Variants in ACAD10 observed in about 807,000 individuals in gnomAD.
The protein encoded by ACAD10 is ACAD-10.
A neutral mutation model predicts 116.8 loss-of-function variants in ACAD10; 112 were observed. That is an observed-to-expected ratio of 0.96 (90% CI 0.82 to 1.12). The LOEUF is 1.12. ACAD10 is among the 50% of genes most tolerant of loss of function. The probability of loss-of-function intolerance (pLI) is 0.00; values close to 1 mark genes in which losing one functional copy is unlikely to be tolerated. For synonymous variants in ACAD10, 486 were observed against 510.6 expected (o/e 0.95, Z 0.65); for missense variants, 1,259 against 1,350.2 (o/e 0.93, Z 1.06).
chr12:111,705,416 T>C (rs1795587227), intron 3 of ACAD10, among the ~76,000 whole-genome samples: 1 of 152,112 alleles, frequency 6.6e-6, no homozygotes, highest in African/African-American at 2.4e-5. Context: ...TTTTTTTAGA[T>C]CTCACTTTGT....
chr12:111,713,114 C>A (rs1489958176), intron 6 of ACAD10, among the ~76,000 whole-genome samples: 1 of 151,342 alleles, frequency 6.6e-6, no homozygotes, highest in African/African-American at 2.4e-5. Flanking sequence ...AGTTTGAGAC[C>A]AGCCTGGCTA....
intron 18 of ACAD10, among the ~76,000 whole-genome samples, chr12:111,752,018 A>G (rs1300424159): frequency 6.7e-6 from 1 of 149,794 alleles, no homozygotes; most frequent in Non-Finnish European, 1.5e-5. Context: ...AGATCGCACC[A>G]TTGCACTCCA....
At chr12:111,687,490 A>G (rs1178327111) in intron 1 of ACAD10, among the ~76,000 whole-genome samples, 3 of 152,030 alleles carry the variant, frequency 2.0e-5, no homozygotes, top group Non-Finnish European at 4.4e-5. Flanking sequence ...ACCTTTCCAG[A>G]TGTCTCCTTG....
chr12:111,725,475 C>T (rs1889185690), intron 8 of ACAD10, among the ~76,000 whole-genome samples: 1 of 151,842 alleles, frequency 6.6e-6, no homozygotes, highest in South Asian at 2.1e-4. Context: ...GATCACATCA[C>T]TGCACTCCAG....
At chr12:111,704,301 C>G (rs928874557) in intron 3 of ACAD10, among the ~76,000 whole-genome samples, 2 of 151,912 alleles carry the variant, frequency 1.3e-5, no homozygotes, top group Non-Finnish European at 2.9e-5. Flanking sequence ...GCCACCAGCT[C>G]CAGCCAATTT....
At chr12:111,715,648 T>C in intron 6 of ACAD10, 173 bp from the exon 7 acceptor site, 3 of 770,668 alleles carry the variant, frequency 3.9e-6, no homozygotes, top group East Asian at 2.7e-5. Context: ...TGGCGGAGTG[T>C]AGACCTGGGA....
intron 2 of ACAD10, among the ~76,000 whole-genome samples, chr12:111,700,801 T>C (rs1233050794): frequency 7.0e-6 from 1 of 143,460 alleles, no homozygotes; most frequent in East Asian, 2.3e-4. Flanking sequence ...TCTATGTCCC[T>C]AGGCTGCAGT....
chr12:111,748,339 A>G lies in ACAD10; in HGVS notation c.2508A>G (p.Gln836=), dbSNP rs1375507438. The change falls in exon 17 of 21, where the codon CAA becomes CAG. Residue 836 remains glutamine, a synonymous_variant. Coordinates refer to ENST00000313698, the MANE Select transcript of ACAD10 (RefSeq NM_025247.6). ...CAGGCATCCTGGATCCTCGTTGCCAACTCTGTGTGTTTATGGGAAAAACAG... is the reference window on the plus strand; with the variant it reads ...CAGGCATCCTGGATCCTCGTTGCCAGCTCTGTGTGTTTATGGGAAAAACAG... The part of the protein sequence containing the change: ...WITGILDPRC[Q]LCVFMGKTDP... 4 of 1,613,824 alleles carry G rather than the reference A, an allele frequency of 2.5e-6. No homozygotes were observed. The highest frequency in any genetic ancestry group is 1.3e-5 in the African/African-American group (1 of 74,912).
chr12:111,689,639 A>G (rs1254128949), intron 1 of ACAD10, among the ~76,000 whole-genome samples: 1 of 151,440 alleles, frequency 6.6e-6, no homozygotes, highest in African/African-American at 2.4e-5. Flanking sequence ...AGCATCCCAA[A>G]GTTCTGGGAT....
chr12:111,728,077 A>G lies in ACAD10; in HGVS notation c.1177A>G (p.Thr393Ala). ...ACGAGCCATATACACTGCCATGAACACAGTCCTGTGCAAAATTCACAGTGT... is the reference window on the plus strand; with the variant it reads ...ACGAGCCATATACACTGCCATGAACGCAGTCCTGTGCAAAATTCACAGTGT... ...HRRAIYTAMN[T>A]VLCKIHSVDL... The change falls in exon 9 of 21, where the codon ACA (threonine) becomes GCA (alanine). Residue 393 changes from threonine to alanine, a missense_variant. Physicochemically the swap from Thr to Ala is moderately conservative, Grantham distance 58 (BLOSUM62 0). Coordinates refer to ENST00000313698, the MANE Select transcript of ACAD10 (RefSeq NM_025247.6). The G allele has an allele frequency of 1.2e-6, 2 of 1,614,020 alleles. No homozygotes were observed. Among genetic ancestry groups the G allele is most frequent in the Non-Finnish European group, 1.7e-6 (2 of 1,179,954 alleles).
intron 4 of ACAD10, among the ~76,000 whole-genome samples, chr12:111,707,645 A>G (rs908038077): frequency 4.6e-5 from 7 of 152,214 alleles, no homozygotes; most frequent in African/African-American, 1.7e-4. Context: ...AATTTCTCTG[A>G]TAACTCAAGT....
intron 11 of ACAD10, 24 bp from the exon 12 acceptor site, chr12:111,736,807 T>C (rs1160392148): frequency 8.7e-6 from 14 of 1,604,714 alleles, no homozygotes; most frequent in Non-Finnish European, 1.0e-5. Flanking sequence ...TGACTACCCA[T>C]GAATGGCTCT....
At chr12:111,693,191 G>A (rs902959975) in intron 2 of ACAD10, 4 of 342,676 alleles carry the variant, frequency 1.2e-5, no homozygotes, top group Non-Finnish European at 1.6e-5. Context: ...TGATTGCTCA[G>A]TGCATCCTAA....
intron 6 of ACAD10, among the ~76,000 whole-genome samples, chr12:111,715,055 C>T (rs1162761020): frequency 6.6e-6 from 1 of 152,144 alleles, no homozygotes; most frequent in Non-Finnish European, 1.5e-5. Context: ...CACCCACTTG[C>T]TCCGTGAAAA....
chr12:111,743,996 C>T (rs1889820183), intron 12 of ACAD10, among the ~76,000 whole-genome samples: 1 of 151,992 alleles, frequency 6.6e-6, no homozygotes, highest in Non-Finnish European at 1.5e-5. Context: ...GATCCGCCCA[C>T]CTCAGCCTCC....
Position 111,715,851 on chromosome 12 carries a change from G to A in ACAD10, c.881G>A (p.Gly294Glu). ...GPLELLQFDHGQSNPTYYIRL... is the reference protein window; with the variant it reads ...GPLELLQFDHEQSNPTYYIRL... ...TTGGAACTACTTCAGTTTGATCACG[G>A]GCAGTCAAATCCAACTTACTACATC... The change falls in exon 7 of 21, where the codon GGG becomes GAG. Residue 294 changes from glycine to glutamate, a missense_variant. Coordinates refer to ENST00000313698, the MANE Select transcript of ACAD10 (RefSeq NM_025247.6). 1 of 1,614,110 alleles carries A rather than the reference G, an allele frequency of 6.2e-7. No individual in the cohort carries two copies. Among genetic ancestry groups the A allele is most frequent in the Non-Finnish European group, 8.5e-7 (1 of 1,180,018 alleles).
Position 111,753,807 on chromosome 12 carries a change from G to A in ACAD10, c.2853G>A (p.Val951=), listed in dbSNP as rs758955309. 1.2e-6 allele frequency: 2 copies of A among 1,614,026 alleles called. No homozygotes were observed. Among genetic ancestry groups the A allele is most frequent in the East Asian group, 2.2e-5 (1 of 44,890 alleles). Residue 951 remains valine, a synonymous_variant, in exon 19 of 21, where the codon GTG becomes GTA. Transcript: ENST00000313698. ...GCTTGGCTTTTGGGAAGCCCCTGGT[G>A]GAGCAGGGCACAGTGCTGGCGGACA... is the stretch of plus-strand genomic sequence containing the variant. ...KSRLAFGKPL[V]EQGTVLADIA...
At position 111,756,397 on chromosome 12, in the gene ACAD10, C is replaced by T. The variant is rs1415318062; in HGVS notation, c.3104C>T (p.Ala1035Val). The T allele has an allele frequency of 1.9e-5, 31 of 1,612,310 alleles. No homozygotes were observed. The highest frequency in any genetic ancestry group is 2.6e-5 in the Non-Finnish European group (31 of 1,179,762). Reference protein sequence around the residue: ...PLAQFFTWARALRFADGPDEV... With the variant: ...PLAQFFTWARVLRFADGPDEV... ...GCTCAGTTCTTCACCTGGGCCCGAG[C>T]CCTGCGCTTTGCCGACGGCCCTGAC... Residue 1035 changes from alanine to valine, a missense_variant, in exon 21 of 21, where the codon GCC becomes GTC. Physicochemically the swap from Ala to Val is moderately conservative, Grantham distance 64. Transcript: ENST00000313698.
intron 16 of ACAD10, chr12:111,747,802 A>C: frequency 9.9e-7 from 1 of 1,007,538 alleles, no homozygotes; most frequent in Non-Finnish European, 1.2e-6. Context: ...GGGCCCCTAC[A>C]AGTAGCCGTG....
Sources: gnomAD v4.1 joint callset for allele counts (sites outside exome capture counted in the v4.1 genomes callset) on GRCh38, gnomAD v4.1.1 for gene constraint, MANE v1.5 for transcripts, NCBI Gene and HGNC (gene_info 2026-07-23, HGNC 2026-07-21) for gene names.